DCC: variants seen among roughly 807,000 people sequenced by gnomAD.
DCC encodes the protein netrin receptor DCC.
Under a neutral mutation model 172.5 loss-of-function variants are expected in DCC, and 58 were observed. The observed-to-expected ratio is 0.34, with a 90% CI of 0.27 to 0.42. The LOEUF (loss-of-function observed/expected upper bound fraction) is 0.42. Ranked by LOEUF, DCC falls within the 10% of genes least tolerant of loss-of-function variation. The pLI, the probability that DCC is intolerant of heterozygous loss-of-function variation, is 1.00. For missense variants in DCC, 1,740 were observed against 1,791.0 expected, an observed-to-expected ratio of 0.97 and a Z score of 0.51; for synonymous variants, 709 against 644.5, an observed-to-expected ratio of 1.10 and a Z score of -1.52.
chr18:53,342,838 A>T (rs940991072), intron 15 of DCC, among the ~76,000 whole-genome samples: 7 of 147,576 alleles, frequency 4.7e-5, no homozygotes, highest in Admixed American at 1.4e-4. Flanking sequence ...ATATTTGAAT[A>T]TTCCTAAATA....
intron 2 of DCC, among the ~76,000 whole-genome samples, chr18:52,819,821 C>G (rs971966002): frequency 1.3e-5 from 2 of 151,924 alleles, no homozygotes; most frequent in Admixed American, 1.3e-4. Flanking sequence ...TGGGTTCATG[C>G]CATTCTCCTG....
At chr18:52,437,568 G>A (rs552174133) in intron 1 of DCC, among the ~76,000 whole-genome samples, 4 of 152,256 alleles carry the variant, frequency 2.6e-5, no homozygotes, top group Non-Finnish European at 4.4e-5. Flanking sequence ...AGATAGGGGC[G>A]CATATTCTGC....
intron 12 of DCC, among the ~76,000 whole-genome samples, chr18:53,259,634 G>A (rs193120789): frequency 2.0e-5 from 3 of 152,232 alleles, no homozygotes; most frequent in African/African-American, 7.2e-5. Context: ...CTCTGTGGCT[G>A]CCCTTAACAT....
chr18:52,919,873 C>T (rs1053894239), intron 3 of DCC, among the ~76,000 whole-genome samples: 3 of 151,704 alleles, frequency 2.0e-5, no homozygotes, highest in African/African-American at 7.3e-5. Flanking sequence ...GTGGTATTGG[C>T]AAAATAATAG....
At chr18:53,121,576 T>A (rs935831670) in intron 7 of DCC, among the ~76,000 whole-genome samples, 2 of 151,962 alleles carry the variant, frequency 1.3e-5, no homozygotes, top group African/African-American at 4.8e-5. Context: ...CAGGATTATT[T>A]AACTTATTAA....
chr18:52,844,649 C>T (rs2038857895), intron 2 of DCC, among the ~76,000 whole-genome samples: 1 of 151,866 alleles, frequency 6.6e-6, no homozygotes, highest in South Asian at 2.1e-4. Context: ...CTGTGAGTTA[C>T]AAAAAAAGAA....
intron 15 of DCC, among the ~76,000 whole-genome samples, chr18:53,374,303 GT>G (rs1368184749): frequency 6.6e-6 from 1 of 152,160 alleles, no homozygotes. Flanking sequence ...GGGCAATGCT[GT>G]TTTATAGTAT....
At chr18:53,103,365 A>G (rs577880651) in intron 7 of DCC, among the ~76,000 whole-genome samples, 2 of 152,066 alleles carry the variant, frequency 1.3e-5, no homozygotes, top group South Asian at 2.1e-4. Flanking sequence ...CATGTTTTGT[A>G]TTTGTTTAGG....
At chr18:52,440,157 A>T (rs1290619968) in intron 1 of DCC, among the ~76,000 whole-genome samples, 7 of 152,198 alleles carry the variant, frequency 4.6e-5, no homozygotes, top group Non-Finnish European at 1.0e-4. Flanking sequence ...AGTAGACCCC[A>T]ATTTGAAGCG....
intron 1 of DCC, among the ~76,000 whole-genome samples, chr18:52,370,536 G>A (rs1329635547): frequency 1.3e-5 from 2 of 152,194 alleles, no homozygotes; most frequent in East Asian, 3.9e-4. Context: ...ACACATTGGG[G>A]GGAACAATAC....
rs2034372308 is a variant in DCC, at chr18:52,615,917, A to G, written c.92-136137A>G. Reference sequence around the variant, plus strand: ...TATACATTTATATGCAGATATATAAACATATATGCTTATAATACAGAATAA... The same window carrying G: ...TATACATTTATATGCAGATATATAAGCATATATGCTTATAATACAGAATAA... On this transcript the variant is annotated intron_variant, in intron 1 of 28. Coordinates refer to ENST00000442544, the MANE Select transcript of DCC (RefSeq NM_005215.4). Among the ~76,000 whole-genome samples the G allele has an allele frequency of 5.3e-5, 8 of 152,320 alleles. No homozygotes were observed. In the South Asian group the frequency reaches 1.7e-3, roughly 32 times the overall value.
At chr18:53,005,733 CA>C (rs531510384) in intron 5 of DCC, among the ~76,000 whole-genome samples, 4 of 152,110 alleles carry the variant, frequency 2.6e-5, no homozygotes, top group Non-Finnish European at 5.9e-5. Flanking sequence ...GTCTCAAAAA[CA>C]GAGAAGAAAA....
intron 16 of DCC, 92 bp downstream of exon 16, chr18:53,386,230 G>A (rs1217763532): frequency 1.2e-6 from 1 of 808,346 alleles, no homozygotes; most frequent in African/African-American, 1.7e-5. Flanking sequence ...AAACAAAAAT[G>A]AATATATCCT....
At chr18:53,006,995 T>G (rs1387416125) in intron 5 of DCC, among the ~76,000 whole-genome samples, 2 of 152,164 alleles carry the variant, frequency 1.3e-5, no homozygotes, top group Non-Finnish European at 2.9e-5. Flanking sequence ...TAGTAATCAC[T>G]ATAGGCTGAT....
intron 16 of DCC, among the ~76,000 whole-genome samples, chr18:53,387,948 C>A (rs1599094902): frequency 6.6e-6 from 1 of 152,174 alleles, no homozygotes; most frequent in African/African-American, 2.4e-5. Flanking sequence ...TTCAAATAAA[C>A]TGAAAGTAAG....
chr18:53,246,966 G>A (rs955933801), intron 12 of DCC, among the ~76,000 whole-genome samples: 3 of 152,026 alleles, frequency 2.0e-5, no homozygotes, highest in African/African-American at 7.2e-5. Context: ...TTTCATATAA[G>A]GTGGTGGGAA....
intron 25 of DCC, among the ~76,000 whole-genome samples, chr18:53,469,098 A>C (rs779191233): frequency 2.0e-4 from 30 of 152,082 alleles, no homozygotes; most frequent in Non-Finnish European, 2.9e-4. Context: ...CAGGACCTCC[A>C]ATCCATTAAC....
intron 5 of DCC, among the ~76,000 whole-genome samples, chr18:52,999,626 G>T (rs1413468932): frequency 6.6e-6 from 1 of 152,078 alleles, no homozygotes; most frequent in Non-Finnish European, 1.5e-5. Flanking sequence ...AGAGCTTCTA[G>T]CTCTGCTAAA....
chr18:53,393,922 C>T (rs79345529), intron 17 of DCC, among the ~76,000 whole-genome samples: 18 of 130,942 alleles, frequency 1.4e-4, no homozygotes, highest in South Asian at 2.6e-4. Context: ...TCCCTCTCTC[C>T]CTCCCTCCCT....
Sources: gnomAD v4.1 joint callset for allele counts (sites outside exome capture counted in the v4.1 genomes callset) on GRCh38, gnomAD v4.1.1 for gene constraint, MANE v1.5 for transcripts, NCBI Gene and HGNC (gene_info 2026-07-23, HGNC 2026-07-21) for gene names.